Variants in TIPIN observed in about 807,000 individuals in gnomAD.
TIPIN encodes the protein TIMELESS interacting protein.
TIPIN carries 29 observed loss-of-function variants against 35.6 expected under a neutral mutation model. The observed-to-expected ratio is 0.82, with a 90% CI of 0.61 to 1.11. The LOEUF (loss-of-function observed/expected upper bound fraction) is 1.11. Ranked by LOEUF, TIPIN falls within the 50% of genes most tolerant of loss-of-function variation. TIPIN has a pLI of 0.00. For synonymous variants in TIPIN, 102 were observed against 121.5 expected (o/e 0.84, Z 1.06); for missense variants, 296 against 345.4 (o/e 0.86, Z 1.13).
chr15:66,367,187 A>AATCTATCTCTATATCTATATCTAT (rs1555410014), intron 1 of TIPIN, among the ~76,000 whole-genome samples: 14 of 130,928 alleles, frequency 1.1e-4, no homozygotes, highest in African/African-American at 3.4e-4. Flanking sequence ...CTCAAAAAAA[A>AATCTATCTCTATATCTATATCTAT]ATCTATATCT....
chr15:66,362,119 C>T (rs2093234105), intron 1 of TIPIN, among the ~76,000 whole-genome samples: 1 of 152,036 alleles, frequency 6.6e-6, no homozygotes. Context: ...GCCTGGCCAA[C>T]ATGGTGAAAC....
Position 66,341,251 on chromosome 15 carries a change from C to T in TIPIN, c.581G>A (p.Ser194Asn). ...TCTTTGTTGTTGCTCTTCTGTTAGGCTTCTACTTAACTCAGAAGCAAACAT... is the reference window on the plus strand; with the variant it reads ...TCTTTGTTGTTGCTCTTCTGTTAGGTTTCTACTTAACTCAGAAGCAAACAT... ...SEMFASELSRSLTEEQQQRIE... is the reference protein window; with the variant it reads ...SEMFASELSRNLTEEQQQRIE... The change falls in exon 7 of 8, where the codon AGC becomes AAC. Residue 194 changes from serine (S) to asparagine (N), a missense_variant. Transcript: ENST00000261881. The T allele has an allele frequency of 6.2e-7, 1 of 1,613,852 alleles. No homozygotes were observed. Among genetic ancestry groups the T allele is most frequent in the Non-Finnish European group, 8.5e-7 (1 of 1,180,012 alleles).
intron 1 of TIPIN, chr15:66,379,351 G>C: frequency 1.3e-6 from 2 of 1,595,526 alleles, no homozygotes; most frequent in Non-Finnish European, 1.7e-6. Flanking sequence ...TCATCATCCT[G>C]CTGAACAGTT....
In TIPIN at chr15:66,349,993, G is replaced by A. The variant is rs145590858; in HGVS notation, c.289-556C>T. Among the ~76,000 whole-genome samples the A allele has an allele frequency of 8.0e-3, 1,218 of 151,852 alleles. 8 individuals carry two copies. Among genetic ancestry groups the A allele is most frequent in the Non-Finnish European group, 0.013 (897 of 67,954 alleles). ...TTTGGTTTTTTTCAGAGAGATTCTC[G>A]CTTTCTTACCCAAGCTGAAGTGCAA... On this transcript the variant is annotated intron_variant, in intron 4 of 7. Coordinates refer to ENST00000261881, the MANE Select transcript of TIPIN (RefSeq NM_017858.3).
intron 1 of TIPIN, chr15:66,379,167 G>T: frequency 2.2e-6 from 2 of 897,098 alleles, no homozygotes; most frequent in Non-Finnish European, 3.2e-6. Context: ...GGAATCACAG[G>T]CATGAGCCAC....
intron 1 of TIPIN, chr15:66,379,429 G>C: frequency 1.9e-6 from 3 of 1,594,688 alleles, no homozygotes; most frequent in Admixed American, 3.5e-5. Context: ...GTTGTGGCTT[G>C]CTGAATCAAA....
rs770703850 is a variant in TIPIN, at chr15:66,349,104, C to A, written c.431G>T (p.Arg144Leu). 2.5e-6 allele frequency: 4 copies of A among 1,610,394 alleles called. No homozygotes were observed. The Admixed American group carries it at 5.0e-5, about 20-fold the overall frequency. The change falls in exon 6 of 8, where the codon CGA (arginine) becomes CTA (leucine). Residue 144 changes from arginine to leucine, a missense_variant. Transcript: ENST00000261881. ...KEVQTCLKRI[R>L]LDLPILHEDF... ...TTCATGTAAAATAGGGAGATCAAGT[C>A]GAATTCGTTTTAAACAGGTCTGAAA...
At chr15:66,379,216 T>C in intron 1 of TIPIN, 2 of 1,338,000 alleles carry the variant, frequency 1.5e-6, no homozygotes, top group East Asian at 2.5e-5. Flanking sequence ...GCACCTGGAA[T>C]TTATTTAGCT....
chr15:66,386,664 G>C (rs1216851944), exon 1 of TIPIN: 6 of 178,390 alleles, frequency 3.4e-5, no homozygotes, highest in Non-Finnish European at 7.2e-5. Context: ...CAGCGACACA[G>C]ACTTCTTCTC....
Position 66,366,276 on chromosome 15 carries a change from A to C in TIPIN, c.-8-13321T>G, listed in dbSNP as rs549710576. Among the ~76,000 whole-genome samples the C allele has an allele frequency of 3.3e-5, 5 of 151,772 alleles. No homozygotes were observed. The East Asian group carries it at 9.7e-4, about 30-fold the overall frequency. On this transcript the variant is annotated intron_variant, in intron 1 of 7. Coordinates refer to the TIPIN transcript ENST00000562124. ...CGAGACCAGCCTGGCCAACATGGTG[A>C]AACCCTGTCTCTACTAAAAATGCAA...
chr15:66,377,221 T>G (rs924811701), intron 1 of TIPIN, among the ~76,000 whole-genome samples: 4 of 152,108 alleles, frequency 2.6e-5, no homozygotes, highest in Non-Finnish European at 5.9e-5. Flanking sequence ...TGATCTCTCA[T>G]AATTTGCATT....
At chr15:66,343,229 C>T (rs2093100532) in intron 6 of TIPIN, among the ~76,000 whole-genome samples, 1 of 151,974 alleles carries the variant, frequency 6.6e-6, no homozygotes, top group African/African-American at 2.4e-5. Context: ...AGAATAGAAG[C>T]ACAAGCAAAA....
At position 66,362,933 on chromosome 15, in the gene TIPIN, A is replaced by G. The variant is rs1046382487; in HGVS notation, c.-8-9978T>C. ...TGAGGGACTCCATCTCAGGATTCTG[A>G]CATATACTTGCCCCCACCTGTACAC... On this transcript the variant is annotated intron_variant, in intron 1 of 7. Transcript: ENST00000562124. 6.0e-4 allele frequency among the ~76,000 whole-genome samples: 91 copies of G among 152,120 alleles called. 1 individual carries two copies. The highest frequency in any genetic ancestry group is 2.1e-4 in the Non-Finnish European group (14 of 68,024).
Position 66,341,308 on chromosome 15 carries a change from T to A in TIPIN, c.524A>T (p.Asp175Val). Residue 175 changes from aspartate (D) to valine (V), a missense_variant, in exon 7 of 8, where the codon GAT (aspartate) becomes GTT (valine). Physicochemically the swap from Asp to Val is radical, Grantham distance 152. Coordinates refer to ENST00000261881, the MANE Select transcript of TIPIN (RefSeq NM_017858.3). ...NEHDVTSTELDPFLTNLSESE... is the reference protein window; with the variant it reads ...NEHDVTSTELVPFLTNLSESE... ...TTCAGATAAGTTTGTCAGAAAGGGA[T>A]CTAATTCAGTAGAAGTGACATCATG... The A allele has an allele frequency of 2.5e-6, 4 of 1,613,898 alleles. No homozygotes were observed. Among genetic ancestry groups the A allele is most frequent in the Non-Finnish European group, 3.4e-6 (4 of 1,180,014 alleles).
chr15:66,347,869 C>A (rs1174490835), intron 6 of TIPIN, among the ~76,000 whole-genome samples: 4 of 152,144 alleles, frequency 2.6e-5, no homozygotes, highest in African/African-American at 9.7e-5. Context: ...TAGGCATGAG[C>A]CACCACGCCC....
chr15:66,346,683 T>C (rs938580131), intron 6 of TIPIN, among the ~76,000 whole-genome samples: 2 of 152,224 alleles, frequency 1.3e-5, no homozygotes, highest in Non-Finnish European at 2.9e-5. Context: ...CAGTAGTATA[T>C]GCTGTGGAAT....
chr15:66,343,421 A>C (rs2093102077), intron 6 of TIPIN, among the ~76,000 whole-genome samples: 1 of 152,186 alleles, frequency 6.6e-6, no homozygotes, highest in Admixed American at 6.6e-5. Flanking sequence ...AATATTAGCT[A>C]ATTATAGAAA....
intron 1 of TIPIN, among the ~76,000 whole-genome samples, chr15:66,374,825 G>A (rs573887259): frequency 7.2e-5 from 11 of 152,040 alleles, no homozygotes; most frequent in Non-Finnish European, 1.2e-4. Context: ...CAGGTGATCC[G>A]CCTGCCTTGT....
At chr15:66,355,095 G>A (rs919477527) in intron 1 of TIPIN, among the ~76,000 whole-genome samples, 1 of 146,488 alleles carries the variant, frequency 6.8e-6, no homozygotes, top group Non-Finnish European at 1.5e-5. Flanking sequence ...GTGCAGTGGC[G>A]CGATCTCTGC....
Sources: allele counts gnomAD v4.1 joint callset (sites outside exome capture counted in the v4.1 genomes callset), GRCh38; gene constraint gnomAD v4.1.1; transcripts MANE v1.5; gene names NCBI Gene and HGNC (gene_info 2026-07-23, HGNC 2026-07-21).